Variants in RBFOX1 observed in about 807,000 individuals in gnomAD.
The protein encoded by RBFOX1 is RNA binding protein fox-1 homolog 1.
In RBFOX1, 8 loss-of-function variants were observed where a neutral mutation model predicts 57.7. The observed-to-expected ratio is 0.14, with a 90% CI of 0.08 to 0.25. The LOEUF (loss-of-function observed/expected upper bound fraction) is 0.25, where lower values mean the gene tolerates loss of function less well. Ranked by LOEUF, RBFOX1 falls within the 10% of genes least tolerant of loss-of-function variation. The pLI, the probability that RBFOX1 is intolerant of heterozygous loss-of-function variation, is 1.00. For synonymous variants in RBFOX1, 326 were observed against 222.4 expected (o/e 1.47, Z -4.15); for missense variants, 611 against 548.5 (o/e 1.11, Z -1.14).
At chr16:6,215,741 C>G (rs1020329420) in intron 1 of RBFOX1, among the ~76,000 whole-genome samples, 1 of 152,052 alleles carries the variant, frequency 6.6e-6, no homozygotes, top group Non-Finnish European at 1.5e-5. Context: ...TCCCTAGGTG[C>G]ACACAGCTCT....
intron 14 of RBFOX1, among the ~76,000 whole-genome samples, chr16:7,677,426 T>C (rs1039276303): frequency 2.0e-5 from 3 of 152,166 alleles, no homozygotes; most frequent in African/African-American, 7.2e-5. Context: ...CCAGCTTTTA[T>C]TTGTAATGTA....
chr16:7,142,102 C>G (rs899243335), intron 4 of RBFOX1, among the ~76,000 whole-genome samples: 7 of 152,076 alleles, frequency 4.6e-5, no homozygotes, highest in African/African-American at 1.7e-4. Flanking sequence ...TAGCTCAGTG[C>G]AGCATCAACC....
At chr16:6,834,022 G>GAGC (rs1868867606) in intron 3 of RBFOX1, among the ~76,000 whole-genome samples, 1 of 151,846 alleles carries the variant, frequency 6.6e-6, no homozygotes, top group African/African-American at 2.4e-5. Context: ...GCCATTGGAG[G>GAGC]AATTTAAAGG....
At chr16:7,047,716 CTTTTTT>C (rs55636828) in intron 3 of RBFOX1, among the ~76,000 whole-genome samples, 73 of 47,914 alleles carry the variant, frequency 1.5e-3, no homozygotes, top group African/African-American at 4.0e-3. Context: ...TCCTGCATTT[CTTTTTT>C]TTTTTTTTTT....
intron 4 of RBFOX1, among the ~76,000 whole-genome samples, chr16:7,426,747 A>G (rs1234602306): frequency 6.6e-6 from 1 of 152,182 alleles, no homozygotes; most frequent in East Asian, 1.9e-4. Context: ...ATCTTGGGTT[A>G]GAAGCTAGAG....
chr16:6,129,939 A>G (rs1044142479), intron 1 of RBFOX1, among the ~76,000 whole-genome samples: 1 of 152,144 alleles, frequency 6.6e-6, no homozygotes, highest in African/African-American at 2.4e-5. Flanking sequence ...TATGACTGGC[A>G]AAAATATTCT....
intron 4 of RBFOX1, among the ~76,000 whole-genome samples, chr16:7,317,999 T>C (rs1012086845): frequency 1.3e-5 from 2 of 151,742 alleles, no homozygotes; most frequent in Non-Finnish European, 2.9e-5. Flanking sequence ...GTGGTGACTG[T>C]GGTGGTGACG....
At chr16:7,493,792 T>C (rs1403505071) in intron 4 of RBFOX1, among the ~76,000 whole-genome samples, 2 of 152,170 alleles carry the variant, frequency 1.3e-5, no homozygotes, top group Admixed American at 6.5e-5. Flanking sequence ...AAAGAGAATA[T>C]GTTTGCATTG....
At chr16:7,599,637 A>ATTT (rs1568025531) in intron 9 of RBFOX1, among the ~76,000 whole-genome samples, 4 of 44,616 alleles carry the variant, frequency 9.0e-5, no homozygotes, top group African/African-American at 1.7e-4. Context: ...ATTAATAAAG[A>ATTT]CTTTTTTTTT....
At chr16:7,455,994 C>T (rs1041273464) in intron 4 of RBFOX1, among the ~76,000 whole-genome samples, 1 of 152,102 alleles carries the variant, frequency 6.6e-6, no homozygotes, top group African/African-American at 2.4e-5. Flanking sequence ...AAGGGCAGGG[C>T]CAGCTTTAAG....
chr16:6,155,673 T>C (rs575139492), intron 1 of RBFOX1, among the ~76,000 whole-genome samples: 1 of 152,190 alleles, frequency 6.6e-6, no homozygotes, highest in African/African-American at 2.4e-5. Context: ...AACTCTTAAC[T>C]CCGAGTACAA....
intron 3 of RBFOX1, among the ~76,000 whole-genome samples, chr16:6,744,820 A>G (rs1025535740): frequency 6.6e-6 from 1 of 152,092 alleles, no homozygotes; most frequent in African/African-American, 2.4e-5. Context: ...TAAGTAGAAG[A>G]TAGGAAATAA....
chr16:6,156,052 T>C (rs2096836221), intron 1 of RBFOX1, among the ~76,000 whole-genome samples: 1 of 152,212 alleles, frequency 6.6e-6, no homozygotes, highest in Admixed American at 6.5e-5. Context: ...TGAGGAGATC[T>C]GCCTGAAGCC....
intron 3 of RBFOX1, among the ~76,000 whole-genome samples, chr16:5,782,036 G>A (rs995143354): frequency 1.1e-4 from 17 of 152,174 alleles, no homozygotes; most frequent in South Asian, 2.1e-4. Flanking sequence ...GTGAAACCCC[G>A]TCTCTACTAA....
chr16:6,364,116 G>A (rs1277567858), intron 2 of RBFOX1, among the ~76,000 whole-genome samples: 3 of 152,158 alleles, frequency 2.0e-5, no homozygotes. Context: ...GGATCCTTAT[G>A]CCACAACGTC....
chr16:5,881,523 T>C (rs2057762617), intron 4 of RBFOX1, among the ~76,000 whole-genome samples: 1 of 151,842 alleles, frequency 6.6e-6, no homozygotes, highest in East Asian at 1.9e-4. Flanking sequence ...GTACCAAAAA[T>C]ACAAAAATTA....
chr16:5,709,795 T>G, intron 3 of RBFOX1, among the ~76,000 whole-genome samples: 1 of 106,370 alleles, frequency 9.4e-6, no homozygotes, highest in East Asian at 2.6e-4. Flanking sequence ...CTACTGGGTG[T>G]TGTATCAGTT....
chr16:6,136,370 G>A (rs542813204), intron 1 of RBFOX1, among the ~76,000 whole-genome samples: 4 of 152,152 alleles, frequency 2.6e-5, no homozygotes, highest in Non-Finnish European at 4.4e-5. Context: ...TTCCAGATAC[G>A]TGTGAGCCAT....
chr16:6,959,711 C>T (rs1020809230), intron 3 of RBFOX1, among the ~76,000 whole-genome samples: 4 of 151,984 alleles, frequency 2.6e-5, no homozygotes, highest in Non-Finnish European at 5.9e-5. Context: ...CTGAGGTAGG[C>T]GGATCACCTG....
Sources: allele counts gnomAD v4.1 joint callset (sites outside exome capture counted in the v4.1 genomes callset), GRCh38; gene constraint gnomAD v4.1.1; transcripts MANE v1.5; gene names NCBI Gene and HGNC (gene_info 2026-07-23, HGNC 2026-07-21).